Variants in BCL2L1 observed in about 807,000 individuals in gnomAD.
The protein encoded by BCL2L1 is BCL2 like 1.
In BCL2L1, 1 loss-of-function variant was observed where a neutral mutation model predicts 18.7. The ratio of observed to expected loss-of-function variants is 0.05; its 90% CI spans 0.02 to 0.25. The LOEUF (loss-of-function observed/expected upper bound fraction) is 0.25, where lower values mean the gene tolerates loss of function less well. Ranked by LOEUF, BCL2L1 falls within the 10% of genes least tolerant of loss-of-function variation. The pLI, the probability that BCL2L1 is intolerant of heterozygous loss-of-function variation, is 1.00. For missense variants in BCL2L1, 207 were observed against 304.9 expected (o/e 0.68, Z 2.39); for synonymous variants, 103 against 122.7 (o/e 0.84, Z 1.06).
chr20:31,710,815 G>A (rs1165637629), intron 2 of BCL2L1, among the ~76,000 whole-genome samples: 2 of 152,182 alleles, frequency 1.3e-5, no homozygotes, highest in African/African-American at 2.4e-5. Flanking sequence ...GCTTCCTTAG[G>A]GGCAGAAACT....
chr20:31,683,123 A>G (rs1290551990), intron 2 of BCL2L1, among the ~76,000 whole-genome samples: 2 of 152,062 alleles, frequency 1.3e-5, no homozygotes, highest in East Asian at 1.9e-4. Context: ...CTGCCTTCCC[A>G]TCTCACCCAG....
At chr20:31,676,906 G>A (rs529963855) in intron 2 of BCL2L1, among the ~76,000 whole-genome samples, 6 of 152,276 alleles carry the variant, frequency 3.9e-5, no homozygotes, top group African/African-American at 1.2e-4. Context: ...TTCCCTGTCA[G>A]GGAGCTGATG....
At chr20:31,670,219 G>A (rs2060647016) in intron 2 of BCL2L1, among the ~76,000 whole-genome samples, 2 of 152,178 alleles carry the variant, frequency 1.3e-5, no homozygotes, top group South Asian at 2.1e-4. Context: ...TAGCCTCTGC[G>A]GGTCTTGGCA....
At chr20:31,691,014 T>C (rs1350596509) in intron 2 of BCL2L1, among the ~76,000 whole-genome samples, 1 of 149,784 alleles carries the variant, frequency 6.7e-6, no homozygotes, top group Non-Finnish European at 1.5e-5. Context: ...TAGCCAGGCA[T>C]GGTGACATAT....
Position 31,664,487 on chromosome 20 carries a change from A to C in BCL2L1, c.*1462T>G, listed in dbSNP as rs898608725. The C allele has an allele frequency of 5.6e-6, 1 of 180,124 alleles. No individual in the cohort carries two copies. Among genetic ancestry groups the C allele is most frequent in the African/African-American group, 2.4e-5 (1 of 42,304 alleles). The allele number at this position is 180,124 out of a possible 1,614,324, so 11.2% of individuals were successfully genotyped here. ...CTGAGTAAACACAGTTTATTACTGA[A>C]CTGCACTTTCACCTTCACACAGACT... On this transcript the variant is annotated 3_prime_UTR_variant, in exon 3 of 3. Coordinates refer to ENST00000307677, the MANE Select transcript of BCL2L1 (RefSeq NM_138578.3).
intron 2 of BCL2L1, among the ~76,000 whole-genome samples, chr20:31,683,397 C>T (rs2060897297): frequency 6.6e-6 from 1 of 152,176 alleles, no homozygotes; most frequent in African/African-American, 2.4e-5. Flanking sequence ...CCTTAATTAT[C>T]CTTTATTAAA....
chr20:31,669,811 T>G (rs1017484397), intron 2 of BCL2L1, among the ~76,000 whole-genome samples: 6 of 152,154 alleles, frequency 3.9e-5, no homozygotes, highest in Non-Finnish European at 8.8e-5. Context: ...AACAGTGTCT[T>G]GCTCTGTAAA....
At chr20:31,670,975 C>T (rs2122444970) in intron 2 of BCL2L1, among the ~76,000 whole-genome samples, 1 of 152,280 alleles carries the variant, frequency 6.6e-6, no homozygotes, top group South Asian at 2.1e-4. Flanking sequence ...ACCAGGCTGG[C>T]ATGGTAGGCA....
Position 31,666,072 on chromosome 20 carries a change from T to G in BCL2L1, c.579A>C (p.Glu193Asp). 6.2e-7 allele frequency: 1 copy of G among 1,614,030 alleles called. No individual in the cohort carries two copies. Among genetic ancestry groups the G allele is most frequent in the Non-Finnish European group, 8.5e-7 (1 of 1,179,992 alleles). Residue 193 changes from glutamate (E) to aspartate (D), a missense_variant, in exon 3 of 3, where the codon GAA (glutamate) becomes GAC (aspartate). Physicochemically the swap from Glu to Asp is conservative, Grantham distance 45 (BLOSUM62 2). Coordinates refer to ENST00000307677, the MANE Select transcript of BCL2L1 (RefSeq NM_138578.3). ...QENGGWDTFV[E>D]LYGNNAAAES... ...CGGCTGCTGCATTGTTCCCATAGAGTTCCACAAAAGTATCCTGCAGGGAGA... is the reference window on the plus strand; with the variant it reads ...CGGCTGCTGCATTGTTCCCATAGAGGTCCACAAAAGTATCCTGCAGGGAGA...
intron 2 of BCL2L1, among the ~76,000 whole-genome samples, chr20:31,695,337 G>A (rs2061149772): frequency 6.6e-6 from 1 of 152,208 alleles, no homozygotes; most frequent in Admixed American, 6.5e-5. Flanking sequence ...AAGGTCCCAT[G>A]TGGCCCTACA....
chr20:31,723,836 G>C (rs1374852006), upstream of BCL2L1: 2 of 985,130 alleles, frequency 2.0e-6, no homozygotes, highest in Non-Finnish European at 2.4e-6. Context: ...CCGCGGACCC[G>C]GGCCGGCCTA....
chr20:31,685,602 T>C (rs1372757212), intron 2 of BCL2L1, among the ~76,000 whole-genome samples: 1 of 152,186 alleles, frequency 6.6e-6, no homozygotes, highest in Non-Finnish European at 1.5e-5. Context: ...GTGGCTCTAT[T>C]TGGCTATGGT....
intron 2 of BCL2L1, among the ~76,000 whole-genome samples, chr20:31,715,379 C>A (rs1270115679): frequency 6.6e-6 from 1 of 152,140 alleles, no homozygotes; most frequent in African/African-American, 2.4e-5. Context: ...CATCCTCCTC[C>A]TCAACCATTC....
chr20:31,690,508 T>C (rs2061045156), intron 2 of BCL2L1, among the ~76,000 whole-genome samples: 1 of 151,960 alleles, frequency 6.6e-6, no homozygotes, highest in Non-Finnish European at 1.5e-5. Flanking sequence ...TTTCATCTGT[T>C]CCCCAACCAC....
At chr20:31,706,572 C>A (rs190234817) in intron 2 of BCL2L1, among the ~76,000 whole-genome samples, 100 of 152,338 alleles carry the variant, frequency 6.6e-4, no homozygotes, top group African/African-American at 2.3e-3. Context: ...GCTCAGAGCA[C>A]CTCGTTTAGT....
rs200416697 is a variant in BCL2L1 at position 31,681,931 on chromosome 20, G to C, written c.565-15845C>G. 2.6e-5 allele frequency among the ~76,000 whole-genome samples: 4 copies of C among 152,378 alleles called. No individual in the cohort carries two copies. The East Asian group carries it at 7.7e-4, about 29-fold the overall frequency. On this transcript the variant is annotated intron_variant, in intron 2 of 2. Transcript: ENST00000307677. The stretch of plus-strand genomic sequence containing the variant: ...GGCAGAGATGGACAGAGACAGTGCA[G>C]CAAAGGGAGGGCAGGGCTCTGCCTA...
intron 2 of BCL2L1, among the ~76,000 whole-genome samples, chr20:31,673,633 A>G (rs1002251909): frequency 1.3e-5 from 2 of 152,198 alleles, no homozygotes; most frequent in African/African-American, 4.8e-5. Context: ...CCTGGGCAAC[A>G]GAGTGAGACC....
chr20:31,666,150 A>G, intron 2 of BCL2L1, 64 bp from the exon 3 acceptor site: 5 of 1,586,750 alleles, frequency 3.2e-6, no homozygotes, highest in Non-Finnish European at 4.3e-6. Flanking sequence ...TGGGTGGGGA[A>G]AGGGGCCATC....
At chr20:31,673,920 C>G (rs1011006021) in intron 2 of BCL2L1, among the ~76,000 whole-genome samples, 1 of 152,164 alleles carries the variant, frequency 6.6e-6, no homozygotes, top group Non-Finnish European at 1.5e-5. Flanking sequence ...AGATGCCATT[C>G]TAAATAAATC....
Sources: allele counts gnomAD v4.1 joint callset (sites outside exome capture counted in the v4.1 genomes callset), GRCh38; gene constraint gnomAD v4.1.1; transcripts MANE v1.5; gene names NCBI Gene and HGNC (gene_info 2026-07-23, HGNC 2026-07-21).